Variants in TCEA1 observed in about 807,000 individuals in gnomAD.
TCEA1 encodes transcription elongation factor A protein 1.
In TCEA1, 21 loss-of-function variants were observed where a neutral mutation model predicts 43.8. The ratio of observed to expected loss-of-function variants is 0.48; its 90% CI spans 0.34 to 0.69. The LOEUF is 0.69. Ranked by LOEUF, TCEA1 falls within the 30% of genes least tolerant of loss-of-function variation. The pLI, the probability that TCEA1 is intolerant of heterozygous loss-of-function variation, is 0.01. For synonymous variants in TCEA1, 104 were observed against 117.5 expected (o/e 0.88, Z 0.75); for missense variants, 250 against 365.1 (o/e 0.68, Z 2.57).
At chr8:54,012,592 G>A (rs890117031) in intron 1 of TCEA1, among the ~76,000 whole-genome samples, 3 of 152,052 alleles carry the variant, frequency 2.0e-5, no homozygotes, top group Non-Finnish European at 4.4e-5. Context: ...AAAAAGAAAT[G>A]TTAATGTCTG....
intron 3 of TCEA1, among the ~76,000 whole-genome samples, chr8:53,999,184 C>A (rs1221448401): frequency 2.1e-5 from 3 of 142,314 alleles, no homozygotes; most frequent in African/African-American, 7.9e-5. Context: ...GAGATTGCAC[C>A]ACTGCACTCC....
rs1333510067 is a variant in TCEA1 at position 53,991,193 on chromosome 8, G to A, written c.320+2475C>T. On this transcript the variant is annotated intron_variant, in intron 4 of 9. Coordinates refer to ENST00000521604, the MANE Select transcript of TCEA1 (RefSeq NM_006756.4). ...GGATCACTTGAGGTCAGGAGTTCGA[G>A]ACCAGCCTGGTCAACATGATGAAAC... Among the ~76,000 whole-genome samples the A allele has an allele frequency of 4.6e-5, 7 of 152,076 alleles. No individual in the cohort carries two copies. In the South Asian group the frequency reaches 1.5e-3, roughly 32 times the overall value.
In TCEA1 at chr8:53,967,715, GGAAAA is replaced by G. The variant is rs1292115044; in HGVS notation, c.*384_*388del. On this transcript the variant is annotated 3_prime_UTR_variant, in exon 10 of 10. Coordinates refer to ENST00000521604, the MANE Select transcript of TCEA1 (RefSeq NM_006756.4). ...AATATTTGTAGCTACATGCCAATAT[GGAAAA>G]AAATGTATTTTCATTTATGTATTAA... is the stretch of plus-strand genomic sequence containing the variant. 1 of 222,134 alleles carries G rather than the reference GGAAAA, an allele frequency of 4.5e-6. No homozygotes were observed. The highest frequency in any genetic ancestry group is 2.2e-5 in the African/African-American group (1 of 44,550). 13.8% of individuals were successfully genotyped at this position (222,134 alleles called of 1,614,324 possible). A position where few individuals can be genotyped will look rare whatever the true frequency, so the allele number is the denominator to read the frequency against.
At chr8:54,014,785 A>G (rs1422824228) in intron 1 of TCEA1, among the ~76,000 whole-genome samples, 5 of 152,262 alleles carry the variant, frequency 3.3e-5, no homozygotes, top group African/African-American at 1.2e-4. Context: ...GTGTACATAT[A>G]TGACAGATTT....
chr8:54,008,841 A>T (rs979451461), intron 2 of TCEA1, among the ~76,000 whole-genome samples: 6 of 148,996 alleles, frequency 4.0e-5, no homozygotes, highest in Non-Finnish European at 7.4e-5. Context: ...TTTTATTTTT[A>T]TTTATTTATT....
intron 3 of TCEA1, among the ~76,000 whole-genome samples, chr8:53,998,186 C>T (rs1453966281): frequency 6.6e-6 from 1 of 152,120 alleles, no homozygotes; most frequent in Non-Finnish European, 1.5e-5. Context: ...TACATGCCCC[C>T]ACACATACAC....
chr8:54,011,445 G>C (rs1032373653), intron 1 of TCEA1, among the ~76,000 whole-genome samples: 6 of 152,210 alleles, frequency 3.9e-5, no homozygotes, highest in African/African-American at 1.4e-4. Flanking sequence ...CAAAGAGAAA[G>C]AAATCCTCTC....
In TCEA1 at chr8:54,022,210, C is replaced by G. The variant is rs1805068469; in HGVS notation, c.-85G>C. 1 of 1,459,350 alleles carries G rather than the reference C, an allele frequency of 6.9e-7. No individual in the cohort carries two copies. The highest frequency in any genetic ancestry group is 9.5e-7 in the Non-Finnish European group (1 of 1,051,324). The allele number at this position is 1,459,350 out of a possible 1,614,324, so 90.4% of individuals were successfully genotyped here. A position where few individuals can be genotyped will look rare whatever the true frequency, so the allele number is the denominator to read the frequency against. On this transcript the variant is annotated 5_prime_UTR_variant, in exon 1 of 10. Transcript: ENST00000521604. Reference sequence around the variant, plus strand: ...AGCGGAAGACACAGCAGGAGCGACCCCCGGCGCGCAGCAACCCCCACCACC... The same window carrying G: ...AGCGGAAGACACAGCAGGAGCGACCGCCGGCGCGCAGCAACCCCCACCACC...
intron 1 of TCEA1, among the ~76,000 whole-genome samples, chr8:54,014,254 T>C (rs1804750125): frequency 6.6e-6 from 1 of 152,142 alleles, no homozygotes; most frequent in African/African-American, 2.4e-5. Flanking sequence ...TGAATTCAGA[T>C]GACTAGTATC....
chr8:54,000,094 T>C, intron 2 of TCEA1, 44 bp from the exon 3 acceptor site: 1 of 1,134,836 alleles, frequency 8.8e-7, no homozygotes, highest in Non-Finnish European at 1.2e-6. Flanking sequence ...AATTTTATTT[T>C]AAACAAATTA....
Position 53,987,035 on chromosome 8 carries a change from G to C in TCEA1, c.467-10C>G. On this transcript the variant is annotated splice_polypyrimidine_tract_variant and intron_variant, in intron 5 of 9. Transcript: ENST00000521604. ...ATTGCAATGTAGTCATCTAAAAATA[G>C]GCATAAAGAATTGTCAAATTATTGT... is the stretch of plus-strand genomic sequence containing the variant. The C allele has an allele frequency of 6.3e-7, 1 of 1,583,762 alleles. No homozygotes were observed.
intron 2 of TCEA1, chr8:54,002,950 A>G: frequency 2.2e-6 from 1 of 456,276 alleles, no homozygotes; most frequent in South Asian, 1.5e-5. Context: ...ACTGATGGAA[A>G]AGCAGAAAGG....
At chr8:53,990,245 G>A (rs1262337190) in intron 4 of TCEA1, among the ~76,000 whole-genome samples, 2 of 150,776 alleles carry the variant, frequency 1.3e-5, no homozygotes, top group African/African-American at 2.4e-5. Flanking sequence ...TTTTGGTAGA[G>A]AAAGGGTCTA....
At chr8:53,972,552 T>G in intron 8 of TCEA1, 2 of 547,960 alleles carry the variant, frequency 3.6e-6, no homozygotes, top group South Asian at 1.4e-5. Flanking sequence ...GGCAAAAGAT[T>G]TGCTGACTCT....
chr8:53,971,094 C>G (rs950317326), intron 8 of TCEA1: 3 of 152,100 alleles, frequency 2.0e-5, no homozygotes, highest in Non-Finnish European at 4.4e-5. Context: ...AAAAGTATAT[C>G]CATCTGATGA....
At chr8:53,968,212 T>G (rs1803046559) in intron 9 of TCEA1, 100 bp from the exon 10 acceptor site, 1 of 969,200 alleles carries the variant, frequency 1.0e-6, no homozygotes, top group African/African-American at 1.6e-5. Flanking sequence ...TTAAAAAAGA[T>G]GCATTTTTGA....
chr8:53,996,876 C>A (rs28379732), intron 3 of TCEA1, among the ~76,000 whole-genome samples: 22,587 of 138,768 alleles, frequency 0.16, 5,349 homozygotes, highest in African/African-American at 0.53. Flanking sequence ...TAATGGATAA[C>A]TAGCTAAGGG....
chr8:54,010,566 G>A, intron 1 of TCEA1, 74 bp from the exon 2 acceptor site: 3 of 1,236,696 alleles, frequency 2.4e-6, no homozygotes, highest in Non-Finnish European at 2.3e-6. Context: ...AAGGTTCATG[G>A]GAGAATCACA....
intron 9 of TCEA1, among the ~76,000 whole-genome samples, chr8:53,968,373 TAAAA>T: frequency 8.4e-6 from 1 of 118,690 alleles, no homozygotes; most frequent in South Asian, 2.1e-4. Flanking sequence ...TTTTTAAGGT[TAAAA>T]AAAAAAAAAT....
Sources: allele counts gnomAD v4.1 joint callset (sites outside exome capture counted in the v4.1 genomes callset), GRCh38; gene constraint gnomAD v4.1.1; transcripts MANE v1.5; gene names NCBI Gene and HGNC (gene_info 2026-07-23, HGNC 2026-07-21).